CSGALNACT1: variants seen among roughly 807,000 people sequenced by gnomAD.
CSGALNACT1 encodes the protein chondroitin sulfate N-acetylgalactosaminyltransferase 1, also known as beta4GalNAcT-1.
A neutral mutation model predicts 51.0 loss-of-function variants in CSGALNACT1; 52 were observed. The ratio of observed to expected loss-of-function variants is 1.02; its 90% CI spans 0.82 to 1.29. CSGALNACT1 has a LOEUF of 1.29. Ranked by LOEUF, CSGALNACT1 falls within the 50% of genes most tolerant of loss-of-function variation. The pLI, the probability that CSGALNACT1 is intolerant of heterozygous loss-of-function variation, is 0.00. For missense variants in CSGALNACT1, 935 were observed against 679.2 expected (o/e 1.38, Z -4.19); for synonymous variants, 341 against 254.4 (o/e 1.34, Z -3.24).
chr8:19,573,837 G>A (rs1330777309), intron 3 of CSGALNACT1, among the ~76,000 whole-genome samples: 1 of 152,148 alleles, frequency 6.6e-6, no homozygotes, highest in African/African-American at 2.4e-5. Flanking sequence ...AGGTGCTGGG[G>A]ATAAAGCAGG....
At chr8:19,525,615 C>CA (rs34787475) in intron 3 of CSGALNACT1, among the ~76,000 whole-genome samples, 1,063 of 20,388 alleles carry the variant, frequency 0.052, 317 homozygotes, top group Non-Finnish European at 0.068. Flanking sequence ...AAACTTGTCC[C>CA]AAAAAAAAAA....
chr8:19,721,012 T>C (rs1411770852), intron 1 of CSGALNACT1, among the ~76,000 whole-genome samples: 1 of 152,166 alleles, frequency 6.6e-6, no homozygotes, highest in Admixed American at 6.5e-5. Context: ...TAAAGCACTG[T>C]TTCCCGGACC....
At chr8:19,425,349 A>G (rs2153708590) in intron 6 of CSGALNACT1, among the ~76,000 whole-genome samples, 1 of 152,268 alleles carries the variant, frequency 6.6e-6, no homozygotes, top group Non-Finnish European at 1.5e-5. Context: ...TCAAAAACAC[A>G]AACAAACCAA....
chr8:19,592,033 T>C (rs1018681570), intron 2 of CSGALNACT1, among the ~76,000 whole-genome samples: 1 of 152,024 alleles, frequency 6.6e-6, no homozygotes, highest in Non-Finnish European at 1.5e-5. Flanking sequence ...GAATCACTCA[T>C]CTAACCCAAA....
At chr8:19,519,000 G>C (rs745942774) in intron 3 of CSGALNACT1, among the ~76,000 whole-genome samples, 1 of 152,194 alleles carries the variant, frequency 6.6e-6, no homozygotes, top group Non-Finnish European at 1.5e-5. Context: ...CAGGTAGAAG[G>C]GGGGAACTGA....
At chr8:19,597,105 T>G (rs1293770272) in intron 2 of CSGALNACT1, among the ~76,000 whole-genome samples, 1 of 152,140 alleles carries the variant, frequency 6.6e-6, no homozygotes, top group South Asian at 2.1e-4. Flanking sequence ...TTTGTCATAC[T>G]GCGACTGGCT....
At chr8:19,569,472 G>C (rs1032120077) in intron 3 of CSGALNACT1, among the ~76,000 whole-genome samples, 5 of 151,894 alleles carry the variant, frequency 3.3e-5, no homozygotes, top group African/African-American at 1.2e-4. Context: ...GCCACCTGGT[G>C]AATTAAAACT....
At chr8:19,722,709 G>A (rs772186869) in intron 1 of CSGALNACT1, among the ~76,000 whole-genome samples, 9 of 152,162 alleles carry the variant, frequency 5.9e-5, no homozygotes, top group Non-Finnish European at 1.0e-4. Flanking sequence ...CACTCTCACC[G>A]AGGGCAGGGT....
chr8:19,441,472 G>T (rs541723319), intron 5 of CSGALNACT1, among the ~76,000 whole-genome samples: 2 of 152,320 alleles, frequency 1.3e-5, no homozygotes, highest in South Asian at 2.1e-4. Context: ...ATGGGGAAAG[G>T]ATTCCCTACT....
intron 3 of CSGALNACT1, among the ~76,000 whole-genome samples, chr8:19,540,699 T>C (rs1405252168): frequency 1.3e-5 from 2 of 152,242 alleles, no homozygotes; most frequent in Non-Finnish European, 2.9e-5. Flanking sequence ...CACAGTGCTA[T>C]ATGCTGTGGA....
chr8:19,544,668 A>G (rs1309411548), intron 3 of CSGALNACT1, among the ~76,000 whole-genome samples: 1 of 152,216 alleles, frequency 6.6e-6, no homozygotes, highest in Non-Finnish European at 1.5e-5. Context: ...AATGTGGAAC[A>G]GGGCCCCATA....
intron 3 of CSGALNACT1, among the ~76,000 whole-genome samples, chr8:19,513,436 C>CTCTCTCTCTCTCTCTCTATATATATA: frequency 3.7e-5 from 3 of 81,978 alleles, no homozygotes; most frequent in East Asian, 7.9e-4. Flanking sequence ...CTCTCTCTCT[C>CTCTCTCTCTCTCTCTCTATATATATA]TATATATATA....
At chr8:19,646,519 G>T (rs185394487) in intron 1 of CSGALNACT1, among the ~76,000 whole-genome samples, 119 of 152,310 alleles carry the variant, frequency 7.8e-4, no homozygotes, top group Non-Finnish European at 1.5e-3. Context: ...CTTTTTAGAA[G>T]AAACAATAGT....
At chr8:19,525,116 CTT>C (rs1349816248) in intron 3 of CSGALNACT1, among the ~76,000 whole-genome samples, 3 of 152,212 alleles carry the variant, frequency 2.0e-5, no homozygotes, top group Non-Finnish European at 2.9e-5. Flanking sequence ...AGTATGGAAA[CTT>C]TGTGTTCTTT....
intron 4 of CSGALNACT1, among the ~76,000 whole-genome samples, chr8:19,482,933 A>T (rs902699817): frequency 6.6e-6 from 1 of 152,134 alleles, no homozygotes; most frequent in South Asian, 2.1e-4. Context: ...TCCTCTTCTG[A>T]GGAGCAGTGA....
intron 4 of CSGALNACT1, among the ~76,000 whole-genome samples, chr8:19,463,911 A>T (rs1470309352): frequency 6.6e-6 from 1 of 152,108 alleles, no homozygotes; most frequent in Non-Finnish European, 1.5e-5. Context: ...TATTCACACA[A>T]ATGTCTATTC....
intron 1 of CSGALNACT1, among the ~76,000 whole-genome samples, chr8:19,610,816 G>A (rs890107178): frequency 6.6e-6 from 1 of 152,370 alleles, no homozygotes; most frequent in East Asian, 1.9e-4. Context: ...GATACGGAAA[G>A]CCCTCTGTCC....
chr8:19,605,869 G>C (rs2051298903), upstream of CSGALNACT1, among the ~76,000 whole-genome samples: 1 of 152,112 alleles, frequency 6.6e-6, no homozygotes, highest in South Asian at 2.1e-4. Flanking sequence ...GTGAAAATGA[G>C]TACATTGAGA....
chr8:19,622,063 C>T (rs532858899), intron 1 of CSGALNACT1, among the ~76,000 whole-genome samples: 32 of 152,308 alleles, frequency 2.1e-4, no homozygotes, highest in African/African-American at 7.2e-4. Flanking sequence ...TTTCAAGCTA[C>T]AAAATGGCCA....
Sources: allele counts gnomAD v4.1 joint callset (sites outside exome capture counted in the v4.1 genomes callset), GRCh38; gene constraint gnomAD v4.1.1; transcripts MANE v1.5; gene names NCBI Gene and HGNC (gene_info 2026-07-23, HGNC 2026-07-21).